Variants in PTPRD observed in about 807,000 individuals in gnomAD.
PTPRD encodes the protein protein tyrosine phosphatase receptor type D.
Under a neutral mutation model 214.5 loss-of-function variants are expected in PTPRD, and 34 were observed. That is an observed-to-expected ratio of 0.16 (90% CI 0.12 to 0.21). The LOEUF is 0.21. Among genes scored for constraint, PTPRD ranks in the 10% least tolerant of loss-of-function variants. PTPRD has a pLI of 1.00. For missense variants in PTPRD, 2,545 were observed against 2,398.7 expected (o/e 1.06, Z -1.27); for synonymous variants, 1,128 against 845.7 (o/e 1.33, Z -5.79).
chr9:8,444,821 G>T (rs372497616), intron 34 of PTPRD, among the ~76,000 whole-genome samples: 1 of 152,120 alleles, frequency 6.6e-6, no homozygotes, highest in Non-Finnish European at 1.5e-5. Context: ...ATAAAAGAAA[G>T]AAAGAGAAAA....
chr9:9,732,857 G>A (rs1191341673), intron 7 of PTPRD, among the ~76,000 whole-genome samples: 1 of 151,866 alleles, frequency 6.6e-6, no homozygotes, highest in Non-Finnish European at 1.5e-5. Flanking sequence ...GCTGAGGTAG[G>A]AGGATTTCTT....
chr9:8,518,899 T>G (rs903630722), intron 20 of PTPRD, among the ~76,000 whole-genome samples: 1 of 152,216 alleles, frequency 6.6e-6, no homozygotes, highest in African/African-American at 2.4e-5. Flanking sequence ...ATTACTATTA[T>G]TATACCAAAA....
In PTPRD at chr9:10,118,899, T is replaced by TAAATAAATA. The variant is rs369774094; in HGVS notation, c.-544-85110_-544-85109insTATTTATTT. On this transcript the variant is annotated intron_variant, in intron 3 of 45. Transcript: ENST00000381196. ...ATAAATAAATAAATAAATAAATAAA[T>TAAATAAATA]AATAATAAAGGAGATGAAGGAAGAG... Among the ~76,000 whole-genome samples the TAAATAAATA allele has an allele frequency of 3.3e-3, 482 of 144,992 alleles. 3 individuals carry two copies. The highest frequency in any genetic ancestry group is 5.2e-3 in the South Asian group (24 of 4,640).
At chr9:10,293,662 G>A (rs1018169078) in intron 3 of PTPRD, among the ~76,000 whole-genome samples, 1 of 151,826 alleles carries the variant, frequency 6.6e-6, no homozygotes, top group East Asian at 1.9e-4. Context: ...CCCCATGATG[G>A]CAAAAGCTTA....
intron 2 of PTPRD, among the ~76,000 whole-genome samples, chr9:10,515,585 T>G (rs950892358): frequency 6.6e-6 from 1 of 151,968 alleles, no homozygotes; most frequent in African/African-American, 2.4e-5. Context: ...ATTTAAAATT[T>G]GTAGTAAGAA....
At chr9:8,414,612 T>C (rs571652496) in intron 35 of PTPRD, among the ~76,000 whole-genome samples, 1 of 144,886 alleles carries the variant, frequency 6.9e-6, no homozygotes, top group African/African-American at 2.5e-5. Context: ...AATGGAGCTC[T>C]ACAATAGGCT....
At position 8,449,848 on chromosome 9, in the gene PTPRD, A is replaced by G. The variant is rs776076170; in HGVS notation, c.3876-11T>C. ...GACTCTGCCCTCTTCCTATAGGGGGAAAATAGAAATTTAAGAAGAAAAGAA... is the reference window on the plus strand; with the variant it reads ...GACTCTGCCCTCTTCCTATAGGGGGGAAATAGAAATTTAAGAAGAAAAGAA... On this transcript the variant is annotated splice_polypyrimidine_tract_variant and intron_variant, in intron 33 of 45. Transcript: ENST00000381196. The G allele has an allele frequency of 1.2e-6, 2 of 1,608,436 alleles. No homozygotes were observed. The highest frequency in any genetic ancestry group is 1.7e-5 in the Admixed American group (1 of 59,552).
At chr9:9,398,834 A>T (rs1199723492) in intron 8 of PTPRD, among the ~76,000 whole-genome samples, 1 of 151,980 alleles carries the variant, frequency 6.6e-6, no homozygotes, top group Non-Finnish European at 1.5e-5. Context: ...CAGCACCAAG[A>T]TGGAAGTTAC....
chr9:8,806,398 G>T (rs1361687297), intron 11 of PTPRD, among the ~76,000 whole-genome samples: 3 of 151,474 alleles, frequency 2.0e-5, no homozygotes, highest in South Asian at 2.1e-4. Context: ...ATAATTTTTT[G>T]AAAAAAACAC....
At chr9:9,828,599 T>G (rs2053780127) in intron 5 of PTPRD, among the ~76,000 whole-genome samples, 1 of 152,030 alleles carries the variant, frequency 6.6e-6, no homozygotes, top group Non-Finnish European at 1.5e-5. Flanking sequence ...CATGTATACA[T>G]ATGTAACAAA....
At chr9:10,245,845 G>T (rs77583909) in intron 3 of PTPRD, among the ~76,000 whole-genome samples, 1 of 152,052 alleles carries the variant, frequency 6.6e-6, no homozygotes, top group Non-Finnish European at 1.5e-5. Flanking sequence ...GGAAGAGATA[G>T]TATCAAGTAA....
Position 8,703,261 on chromosome 9 carries a change from T to C in PTPRD, c.64+30519A>G, listed in dbSNP as rs190754644. On this transcript the variant is annotated intron_variant, in intron 12 of 45. Coordinates refer to ENST00000381196, the MANE Select transcript of PTPRD (RefSeq NM_002839.4). ...ATGATAAAGTCTAGAAGCCTAGAAGTTTAAAGTGCTCTTTTTTTGTTAAAT... is the reference window on the plus strand; with the variant it reads ...ATGATAAAGTCTAGAAGCCTAGAAGCTTAAAGTGCTCTTTTTTTGTTAAAT... 2.3e-3 allele frequency among the ~76,000 whole-genome samples: 356 copies of C among 152,320 alleles called. 6 individuals carry two copies. Among genetic ancestry groups the C allele is most frequent in the African/African-American group, 8.2e-3 (340 of 41,578 alleles).
chr9:9,091,317 A>C lies in PTPRD; in HGVS notation c.-142-72582T>G, dbSNP rs1162154341. 6 of 1,000,248 alleles carry C rather than the reference A, an allele frequency of 6.0e-6. No individual in the cohort carries two copies. The South Asian group carries it at 7.8e-5, about 13-fold the overall frequency. 62.0% of individuals were successfully genotyped at this position (1,000,248 alleles called of 1,614,324 possible). ...AATAAAATGGAAATTGTACTTTAAA[A>C]AAAAAATTTCTTTAAATAGCTGCGT... On this transcript the variant is annotated intron_variant, in intron 10 of 45. Transcript: ENST00000381196.
chr9:8,519,918 G>C (rs911021101), intron 20 of PTPRD, among the ~76,000 whole-genome samples: 9 of 152,074 alleles, frequency 5.9e-5, no homozygotes, highest in African/African-American at 1.9e-4. Context: ...AATATTTAAA[G>C]CTGAAATGGT....
At chr9:9,918,267 G>A (rs1202863528) in intron 5 of PTPRD, among the ~76,000 whole-genome samples, 2 of 131,776 alleles carry the variant, frequency 1.5e-5, no homozygotes, top group Non-Finnish European at 3.3e-5. Flanking sequence ...TGAACTAGCT[G>A]AAAAAGTAAT....
In PTPRD at chr9:9,634,773, G is replaced by C. The variant is rs548915216; in HGVS notation, c.-286-59992C>G. Among the ~76,000 whole-genome samples the C allele has an allele frequency of 6.2e-4, 95 of 152,086 alleles. No homozygotes were observed. The South Asian group carries it at 7.7e-3, about 12-fold the overall frequency. ...ATATATTTTAATTTGAATGTGTATAGAGTTAAGTGTATAATATAACATCCC... is the reference window on the plus strand; with the variant it reads ...ATATATTTTAATTTGAATGTGTATACAGTTAAGTGTATAATATAACATCCC... On this transcript the variant is annotated intron_variant, in intron 7 of 45. Transcript: ENST00000381196.
intron 7 of PTPRD, among the ~76,000 whole-genome samples, chr9:9,655,423 G>T (rs546934494): frequency 6.6e-6 from 1 of 151,936 alleles, no homozygotes; most frequent in Admixed American, 6.6e-5. Flanking sequence ...ACAAAAATTA[G>T]CTGGGCGTGG....
intron 5 of PTPRD, among the ~76,000 whole-genome samples, chr9:9,832,626 T>TTTGG (rs2055265690): frequency 6.6e-6 from 1 of 151,922 alleles, no homozygotes; most frequent in African/African-American, 2.4e-5. Flanking sequence ...TTATGAAACA[T>TTTGG]AAGAGAGAAC....
At chr9:8,499,525 A>G (rs2097348957) in intron 25 of PTPRD, 122 bp downstream of exon 25, 1 of 995,088 alleles carries the variant, frequency 1.0e-6, no homozygotes, top group Admixed American at 2.8e-5. Flanking sequence ...ATGTGAAATG[A>G]AAACTAGAAT....
Sources: allele counts gnomAD v4.1 joint callset (sites outside exome capture counted in the v4.1 genomes callset), GRCh38; gene constraint gnomAD v4.1.1; transcripts MANE v1.5; gene names NCBI Gene and HGNC (gene_info 2026-07-23, HGNC 2026-07-21).